Variants in SGCZ observed in about 807,000 individuals in gnomAD.
SGCZ encodes the protein sarcoglycan zeta, also known as zeta-sarcoglycan.
In SGCZ, 40 loss-of-function variants were observed where a neutral mutation model predicts 41.3. That is an observed-to-expected ratio of 0.97 (90% CI 0.75 to 1.26). The LOEUF is 1.26. SGCZ is among the 50% of genes most tolerant of loss of function. The probability of loss-of-function intolerance (pLI) is 0.00; values close to 1 mark genes in which losing one functional copy is unlikely to be tolerated. For missense variants in SGCZ, 552 were observed against 369.8 expected (o/e 1.49, Z -4.04); for synonymous variants, 206 against 137.5 (o/e 1.50, Z -3.49).
intron 2 of SGCZ, among the ~76,000 whole-genome samples, chr8:14,331,136 G>C (rs1189919750): frequency 6.6e-6 from 1 of 151,720 alleles, no homozygotes; most frequent in East Asian, 1.9e-4. Flanking sequence ...ACAACTTGGA[G>C]TTTGGTATGA....
At chr8:14,724,409 G>C (rs1483155380) in intron 1 of SGCZ, among the ~76,000 whole-genome samples, 1 of 151,694 alleles carries the variant, frequency 6.6e-6, no homozygotes, top group Non-Finnish European at 1.5e-5. Context: ...AGCCTCTACT[G>C]AGCTTTCATG....
At chr8:14,124,683 G>C (rs1802799633) in intron 5 of SGCZ, among the ~76,000 whole-genome samples, 1 of 152,090 alleles carries the variant, frequency 6.6e-6, no homozygotes, top group Non-Finnish European at 1.5e-5. Flanking sequence ...TTCTCCAGGA[G>C]GAATTGTGAT....
chr8:14,217,846 G>A (rs533475278), intron 4 of SGCZ, among the ~76,000 whole-genome samples: 201 of 151,720 alleles, frequency 1.3e-3, no homozygotes, highest in African/African-American at 3.4e-3. Flanking sequence ...GGCCAGGCTC[G>A]TCTTGAACTC....
intron 1 of SGCZ, among the ~76,000 whole-genome samples, chr8:14,594,047 C>A (rs974823995): frequency 1.3e-5 from 2 of 151,830 alleles, no homozygotes; most frequent in Non-Finnish European, 2.9e-5. Flanking sequence ...TGGTGGCACA[C>A]GCCTGTGGAC....
chr8:14,642,724 G>T (rs1807067518), intron 1 of SGCZ, among the ~76,000 whole-genome samples: 1 of 151,268 alleles, frequency 6.6e-6, no homozygotes, highest in Non-Finnish European at 1.5e-5. Flanking sequence ...TACTTAATTT[G>T]TTGGTCAGAT....
intron 2 of SGCZ, among the ~76,000 whole-genome samples, chr8:14,506,005 ATTC>A (rs1322246397): frequency 2.0e-5 from 3 of 151,254 alleles, no homozygotes; most frequent in Non-Finnish European, 4.4e-5. Flanking sequence ...ATACTTTCTC[ATTC>A]TTCTTTTTTT....
At chr8:14,706,248 A>G (rs1376228700) in intron 1 of SGCZ, among the ~76,000 whole-genome samples, 4 of 152,042 alleles carry the variant, frequency 2.6e-5, no homozygotes. Flanking sequence ...TGCCCTTTTT[A>G]AAACCAGAAT....
In SGCZ at chr8:15,064,389, A is replaced by G. The variant is rs140316191; in HGVS notation, c.39+173196T>C. ...TTTTCCCTCTCCTATCCCCGCACATATATTATACACAACTGAAATCGATCC... is the reference window on the plus strand; with the variant it reads ...TTTTCCCTCTCCTATCCCCGCACATGTATTATACACAACTGAAATCGATCC... On this transcript the variant is annotated intron_variant, in intron 1 of 7. Coordinates refer to ENST00000382080, the MANE Select transcript of SGCZ (RefSeq NM_139167.4). Among the ~76,000 whole-genome samples, 543 of 152,198 alleles carry G rather than the reference A, an allele frequency of 3.6e-3. 3 individuals carry two copies. Among genetic ancestry groups the G allele is most frequent in the African/African-American group, 0.013 (523 of 41,504 alleles).
chr8:14,606,283 G>A (rs1222845649), intron 1 of SGCZ, among the ~76,000 whole-genome samples: 1 of 152,008 alleles, frequency 6.6e-6, no homozygotes, highest in South Asian at 2.1e-4. Context: ...CCACTTTCTT[G>A]CTTCATATTC....
intron 1 of SGCZ, among the ~76,000 whole-genome samples, chr8:14,968,307 A>G (rs1273003565): frequency 6.6e-6 from 1 of 152,170 alleles, no homozygotes; most frequent in Non-Finnish European, 1.5e-5. Flanking sequence ...TCACTTGAAC[A>G]GACCCTCTGG....
intron 3 of SGCZ, among the ~76,000 whole-genome samples, chr8:14,292,941 T>C (rs1227406361): frequency 7.2e-5 from 11 of 152,054 alleles, no homozygotes; most frequent in Admixed American, 3.9e-4. Flanking sequence ...GAGTCAATGA[T>C]GTATAACATC....
At chr8:14,250,264 CAA>C (rs1205698727) in intron 3 of SGCZ, among the ~76,000 whole-genome samples, 5 of 151,918 alleles carry the variant, frequency 3.3e-5, no homozygotes, top group African/African-American at 1.2e-4. Context: ...GCAATTGTTG[CAA>C]AAAAATTTTT....
At chr8:14,491,631 G>A (rs957522282) in intron 2 of SGCZ, among the ~76,000 whole-genome samples, 8 of 152,142 alleles carry the variant, frequency 5.3e-5, no homozygotes, top group Non-Finnish European at 8.8e-5. Flanking sequence ...ATGTTTGCTT[G>A]CTTGTAGTAT....
rs573163918 is a variant in SGCZ, at chr8:15,172,863, G to A, written c.39+64722C>T. Among the ~76,000 whole-genome samples, 153 of 152,270 alleles carry A rather than the reference G, an allele frequency of 1.0e-3. 1 individual carries two copies. The Middle Eastern group carries it at 0.01, about 10-fold the overall frequency. ...CTTCATAGCAATATATAAATGGGTTGTTCTATTGATGTATAAAGATGTATA... is the reference window on the plus strand; with the variant it reads ...CTTCATAGCAATATATAAATGGGTTATTCTATTGATGTATAAAGATGTATA... On this transcript the variant is annotated intron_variant, in intron 1 of 7. Transcript: ENST00000382080.
intron 3 of SGCZ, among the ~76,000 whole-genome samples, chr8:14,289,192 T>C (rs1267246200): frequency 6.8e-6 from 1 of 146,382 alleles, no homozygotes; most frequent in Non-Finnish European, 1.5e-5. Context: ...GATATATTAA[T>C]TGAAAATATT....
intron 2 of SGCZ, among the ~76,000 whole-genome samples, chr8:14,465,370 T>A (rs1801020104): frequency 6.6e-6 from 1 of 151,788 alleles, no homozygotes; most frequent in African/African-American, 2.4e-5. Flanking sequence ...TGATATTAGT[T>A]TAACTATCCG....
intron 3 of SGCZ, among the ~76,000 whole-genome samples, chr8:14,249,808 T>C (rs1388224719): frequency 1.3e-5 from 2 of 152,160 alleles, no homozygotes; most frequent in Admixed American, 1.3e-4. Context: ...CTGACATTTT[T>C]CTACACTAAT....
At chr8:14,678,131 C>T (rs753625403) in intron 1 of SGCZ, among the ~76,000 whole-genome samples, 1 of 151,988 alleles carries the variant, frequency 6.6e-6, no homozygotes, top group Non-Finnish European at 1.5e-5. Context: ...TTTTGTTTGG[C>T]AATGTTGACG....
At chr8:14,436,515 G>A (rs1321462170) in intron 2 of SGCZ, among the ~76,000 whole-genome samples, 1 of 152,100 alleles carries the variant, frequency 6.6e-6, no homozygotes, top group East Asian at 1.9e-4. Context: ...TTTTTATAGT[G>A]GTAGTAAGAC....
Sources: allele counts gnomAD v4.1 joint callset (sites outside exome capture counted in the v4.1 genomes callset), GRCh38; gene constraint gnomAD v4.1.1; transcripts MANE v1.5; gene names NCBI Gene and HGNC (gene_info 2026-07-23, HGNC 2026-07-21).